The following CUL1 variants were observed in gnomAD, a reference collection of about 807,000 sequenced individuals.
CUL1 encodes the protein cullin-1.
In CUL1, 24 loss-of-function variants were observed where a neutral mutation model predicts 118.0. The observed-to-expected ratio is 0.20, with a 90% confidence interval of 0.15 to 0.29. The LOEUF is 0.29. Ranked by LOEUF, CUL1 falls within the 10% of genes least tolerant of loss-of-function variation. The pLI is 1.00. For synonymous variants in CUL1, 332 were observed against 340.4 expected, an observed-to-expected ratio of 0.98 and a Z score of 0.27; for missense variants, 361 against 933.8, an observed-to-expected ratio of 0.39 and a Z score of 7.99.
chr7:148,741,859 C>T (rs1024653674), intron 2 of CUL1, among the ~76,000 whole-genome samples: 2 of 152,242 alleles, frequency 1.3e-5, no homozygotes, highest in Non-Finnish European at 2.9e-5. Context: ...CGGGCATGAG[C>T]CACCACATCC....
At chr7:148,730,900 T>C (rs115754154) in intron 2 of CUL1, among the ~76,000 whole-genome samples, 2,400 of 152,222 alleles carry the variant, frequency 0.016, 61 homozygotes, top group African/African-American at 0.055. Context: ...CAGCCTCAAC[T>C]ACCTGCACTC....
At chr7:148,768,950 A>G (rs564792911) in intron 9 of CUL1, among the ~76,000 whole-genome samples, 1 of 152,292 alleles carries the variant, frequency 6.6e-6, no homozygotes, top group South Asian at 2.1e-4. Flanking sequence ...TTTTATGCTC[A>G]CAAGATGGGA....
rs1219503203 is a variant in CUL1, at chr7:148,759,286, G to A, written c.484-18G>A. ...AACATGGTAAAAGTATAGACATTTT[G>A]TACTTTTTTTTCTCCAGCTTGCATT... On this transcript the variant is annotated intron_variant, in intron 4 of 21. Transcript: ENST00000325222. 1.9e-6 allele frequency: 3 copies of A among 1,609,650 alleles called. No individual in the cohort carries two copies. Among genetic ancestry groups the A allele is most frequent in the South Asian group, 2.2e-5 (2 of 90,976 alleles).
chr7:148,783,263 C>A, intron 9 of CUL1: 1 of 914,234 alleles, frequency 1.1e-6, no homozygotes, highest in Non-Finnish European at 1.3e-6. Context: ...TCCCGTCCTG[C>A]GATGAGGCCC....
At chr7:148,737,705 A>G (rs1302667231) in intron 2 of CUL1, among the ~76,000 whole-genome samples, 1 of 151,660 alleles carries the variant, frequency 6.6e-6, no homozygotes, top group African/African-American at 2.4e-5. Context: ...GGTTCAAGCA[A>G]TTCTCATACC....
At chr7:148,770,186 G>A (rs1800161079) in intron 9 of CUL1, among the ~76,000 whole-genome samples, 1 of 152,236 alleles carries the variant, frequency 6.6e-6, no homozygotes, top group Admixed American at 6.5e-5. Context: ...TCATCCGTCA[G>A]CAATGACAGC....
intron 17 of CUL1, among the ~76,000 whole-genome samples, chr7:148,794,049 G>C (rs1254499942): frequency 6.6e-6 from 1 of 151,738 alleles, no homozygotes; most frequent in Non-Finnish European, 1.5e-5. Flanking sequence ...ATCTTCTTTG[G>C]AGAAATGTTT....
intron 1 of CUL1, among the ~76,000 whole-genome samples, chr7:148,701,595 T>G (rs577399706): frequency 3.5e-4 from 53 of 152,292 alleles, no homozygotes; most frequent in African/African-American, 1.2e-3. Flanking sequence ...AGCAGTTTGG[T>G]AGTTAAGGCT....
At chr7:148,760,546 A>G in intron 7 of CUL1, 50 bp downstream of exon 7, 1 of 1,319,846 alleles carries the variant, frequency 7.6e-7, no homozygotes, top group Non-Finnish European at 1.0e-6. Context: ...AGTCATTGCT[A>G]CTCAAGTGAG....
chr7:148,786,272 A>G (rs964542663), intron 11 of CUL1, among the ~76,000 whole-genome samples: 1 of 152,246 alleles, frequency 6.6e-6, no homozygotes, highest in East Asian at 1.9e-4. Context: ...CTTAAAGGCA[A>G]ACTTCTTCAG....
At chr7:148,706,158 G>A (rs1010642786) in intron 1 of CUL1, among the ~76,000 whole-genome samples, 5 of 152,082 alleles carry the variant, frequency 3.3e-5, no homozygotes, top group Admixed American at 2.0e-4. Flanking sequence ...TGAATTCCCC[G>A]TTTAGATTTG....
Position 148,790,375 on chromosome 7 carries a change from G to T in CUL1, c.1740G>T (p.Thr580=). 3 of 1,614,032 alleles carry T rather than the reference G, an allele frequency of 1.9e-6. No individual in the cohort carries two copies. The highest frequency in any genetic ancestry group is 2.5e-6 in the Non-Finnish European group (3 of 1,179,904). ...YASRHSGRKL[T]WLYQLSKGEL... ...GCCGCCACAGTGGCCGAAAATTGAC[G>T]TGGTTATATCAGTTGTCTAAAGGAG... Residue 580 remains threonine, a synonymous_variant, in exon 16 of 22, where the codon ACG becomes ACT. Transcript: ENST00000325222.
At chr7:148,716,516 C>T (rs1036795619) in intron 1 of CUL1, among the ~76,000 whole-genome samples, 7 of 152,156 alleles carry the variant, frequency 4.6e-5, no homozygotes, top group South Asian at 2.1e-4. Context: ...CCCTGAAATC[C>T]GCCCATGGAC....
chr7:148,789,095 G>A (rs1240843824), intron 14 of CUL1, among the ~76,000 whole-genome samples: 1 of 152,212 alleles, frequency 6.6e-6, no homozygotes, highest in Non-Finnish European at 1.5e-5. Context: ...AGGAGAGGCA[G>A]CTGGGCTGGT....
At chr7:148,731,848 A>G (rs1299779040) in intron 2 of CUL1, among the ~76,000 whole-genome samples, 3 of 152,232 alleles carry the variant, frequency 2.0e-5, no homozygotes, top group South Asian at 2.1e-4. Flanking sequence ...TGTAGCGCGT[A>G]TCACTGTGTA....
At chr7:148,750,396 C>A (rs959822232) in intron 2 of CUL1, among the ~76,000 whole-genome samples, 1 of 151,614 alleles carries the variant, frequency 6.6e-6, no homozygotes, top group African/African-American at 2.4e-5. Context: ...GTTTGCTGCA[C>A]CCATTAACTC....
intron 1 of CUL1, among the ~76,000 whole-genome samples, chr7:148,715,429 C>T (rs114533042): frequency 0.016 from 2,363 of 152,154 alleles, 58 homozygotes; most frequent in African/African-American, 0.054. Context: ...TCATAATAGA[C>T]CTTTTCCTTG....
intron 2 of CUL1, among the ~76,000 whole-genome samples, chr7:148,739,443 T>G (rs1246530999): frequency 6.6e-6 from 1 of 152,206 alleles, no homozygotes; most frequent in African/African-American, 2.4e-5. Flanking sequence ...TAGGCGAAGG[T>G]GCCCTAAACC....
chr7:148,772,466 T>G (rs965885755), intron 9 of CUL1, among the ~76,000 whole-genome samples: 3 of 152,164 alleles, frequency 2.0e-5, no homozygotes, highest in Non-Finnish European at 4.4e-5. Context: ...ATGGGCTTAT[T>G]GAAACATTAT....
Sources: gnomAD v4.1 joint callset for allele counts (sites outside exome capture counted in the v4.1 genomes callset) on GRCh38, gnomAD v4.1.1 for gene constraint, MANE v1.5 for transcripts, NCBI Gene and HGNC (gene_info 2026-07-23, HGNC 2026-07-21) for gene names.